The following EPHA6 variants were observed in gnomAD, a reference collection of about 807,000 sequenced individuals.
EPHA6 encodes ephrin type-A receptor 6.
A neutral mutation model predicts 112.0 loss-of-function variants in EPHA6; 50 were observed. The ratio of observed to expected loss-of-function variants is 0.45; its 90% CI spans 0.36 to 0.56. The LOEUF (loss-of-function observed/expected upper bound fraction) is 0.56. Among genes scored for constraint, EPHA6 ranks in the 20% least tolerant of loss-of-function variants. The pLI, the probability that EPHA6 is intolerant of heterozygous loss-of-function variation, is 0.00. For missense variants in EPHA6, 1,280 were observed against 1,417.4 expected (o/e 0.90, Z 1.56); for synonymous variants, 529 against 490.7 (o/e 1.08, Z -1.03).
chr3:97,021,446 T>G (rs2044456891), intron 3 of EPHA6, among the ~76,000 whole-genome samples: 1 of 152,196 alleles, frequency 6.6e-6, no homozygotes, highest in Admixed American at 6.5e-5. Flanking sequence ...CGAAATTTCT[T>G]CCTTTAGGGC....
intron 5 of EPHA6, among the ~76,000 whole-genome samples, chr3:97,298,848 T>C (rs1165427444): frequency 5.3e-5 from 8 of 152,112 alleles, no homozygotes; most frequent in African/African-American, 1.7e-4. Flanking sequence ...ATATATTGTC[T>C]AAATGTCAAG....
intron 6 of EPHA6, among the ~76,000 whole-genome samples, chr3:97,425,528 C>T (rs1036593935): frequency 9.2e-5 from 14 of 152,312 alleles, no homozygotes; most frequent in African/African-American, 3.4e-4. Context: ...AGGCTGTGCA[C>T]AGCAGAGGGG....
At chr3:97,290,222 T>C (rs1248234489) in intron 5 of EPHA6, among the ~76,000 whole-genome samples, 1 of 152,164 alleles carries the variant, frequency 6.6e-6, no homozygotes, top group Non-Finnish European at 1.5e-5. Context: ...TCAAAAGTCA[T>C]TCTGGAGTAA....
At chr3:96,940,160 G>C (rs538672004) in intron 2 of EPHA6, among the ~76,000 whole-genome samples, 1 of 152,112 alleles carries the variant, frequency 6.6e-6, no homozygotes, top group Non-Finnish European at 1.5e-5. Context: ...GGGTATCCTT[G>C]TTTACTTTCT....
At chr3:97,646,256 G>C in intron 14 of EPHA6, 2 of 1,534,924 alleles carry the variant, frequency 1.3e-6, no homozygotes, top group Non-Finnish European at 1.7e-6. Flanking sequence ...GAAGGGCCAT[G>C]GGAGCCAGTG....
At chr3:97,166,391 G>C (rs190928747) in intron 3 of EPHA6, among the ~76,000 whole-genome samples, 1 of 151,440 alleles carries the variant, frequency 6.6e-6, no homozygotes, top group African/African-American at 2.4e-5. Context: ...AATAACAAAC[G>C]TGTGTATAAT....
At chr3:97,535,621 C>T (rs1009806603) in intron 11 of EPHA6, among the ~76,000 whole-genome samples, 4 of 152,040 alleles carry the variant, frequency 2.6e-5, no homozygotes, top group African/African-American at 9.7e-5. Context: ...TCCAAGATTA[C>T]CCTTAAGTAG....
intron 6 of EPHA6, among the ~76,000 whole-genome samples, chr3:97,415,143 G>T (rs1047670860): frequency 3.3e-5 from 5 of 151,868 alleles, no homozygotes; most frequent in African/African-American, 7.3e-5. Flanking sequence ...TGATGACTTT[G>T]CTTTCACTGA....
At chr3:97,200,371 G>A (rs896180838) in intron 3 of EPHA6, among the ~76,000 whole-genome samples, 6 of 151,892 alleles carry the variant, frequency 4.0e-5, no homozygotes, top group African/African-American at 7.3e-5. Flanking sequence ...CAGACCATAC[G>A]GCCTCAGGCT....
At chr3:96,970,488 T>A (rs989696610) in intron 2 of EPHA6, among the ~76,000 whole-genome samples, 17 of 152,080 alleles carry the variant, frequency 1.1e-4, no homozygotes, top group African/African-American at 3.4e-4. Context: ...GCTAAAAGTT[T>A]ACATATTTTC....
rs144287442 is a variant in EPHA6 at position 96,898,419 on chromosome 3, G to C, written c.450+31530G>C. 5.9e-5 allele frequency among the ~76,000 whole-genome samples: 9 copies of C among 152,248 alleles called. No homozygotes were observed. The East Asian group carries it at 1.7e-3, about 29-fold the overall frequency. ...AATGGAGGATAGTTTTACGACCTCA[G>C]CAATACCTTCCTGCCCCGATTTCCT... On this transcript the variant is annotated intron_variant, in intron 2 of 17. Transcript: ENST00000389672.
chr3:97,692,896 T>C (rs1298810481), intron 14 of EPHA6, among the ~76,000 whole-genome samples: 1 of 152,208 alleles, frequency 6.6e-6, no homozygotes, highest in Non-Finnish European at 1.5e-5. Context: ...TACCAATGGT[T>C]ACCTGACCTT....
intron 14 of EPHA6, among the ~76,000 whole-genome samples, chr3:97,694,356 C>T (rs988449864): frequency 3.9e-4 from 59 of 152,016 alleles, no homozygotes; most frequent in Admixed American, 4.6e-4. Flanking sequence ...CCTGCCTCAG[C>T]CTCCCGAGTA....
At chr3:97,401,419 G>T (rs2086984116) in intron 5 of EPHA6, among the ~76,000 whole-genome samples, 1 of 151,728 alleles carries the variant, frequency 6.6e-6, no homozygotes, top group Non-Finnish European at 1.5e-5. Context: ...GTTTGTATAT[G>T]TTGAAGAATG....
chr3:97,563,607 G>A (rs763150199), intron 11 of EPHA6, among the ~76,000 whole-genome samples: 2 of 152,104 alleles, frequency 1.3e-5, no homozygotes, highest in Non-Finnish European at 2.9e-5. Context: ...ATTAATCTTA[G>A]GAGTGCAAGA....
chr3:97,030,657 A>G (rs555132694), intron 3 of EPHA6, among the ~76,000 whole-genome samples: 7 of 152,040 alleles, frequency 4.6e-5, no homozygotes, highest in African/African-American at 1.7e-4. Context: ...TACCTCATAA[A>G]TTACTCCACT....
intron 3 of EPHA6, chr3:97,010,022 G>C (rs2044028113): frequency 1.6e-6 from 2 of 1,223,284 alleles, no homozygotes; most frequent in Non-Finnish European, 2.2e-6. Flanking sequence ...AAAGGCCGCT[G>C]CTTCTAGTTG....
intron 5 of EPHA6, among the ~76,000 whole-genome samples, chr3:97,387,789 A>G (rs2086157118): frequency 6.6e-6 from 1 of 151,854 alleles, no homozygotes; most frequent in East Asian, 1.9e-4. Context: ...CCATTCTCAC[A>G]CTCCTATAAT....
chr3:97,729,858 C>A (rs755598733), intron 15 of EPHA6, among the ~76,000 whole-genome samples: 12 of 152,016 alleles, frequency 7.9e-5, no homozygotes, highest in Non-Finnish European at 1.3e-4. Flanking sequence ...GACTGTGACT[C>A]TCTGCTTTGC....
Sources: allele counts gnomAD v4.1 joint callset (sites outside exome capture counted in the v4.1 genomes callset), GRCh38; gene constraint gnomAD v4.1.1; transcripts MANE v1.5; gene names NCBI Gene and HGNC (gene_info 2026-07-23, HGNC 2026-07-21).